NPC1: variants seen among roughly 807,000 people sequenced by gnomAD.
The protein encoded by NPC1 is NPC intracellular cholesterol transporter 1.
In NPC1, 85 loss-of-function variants were observed where a neutral mutation model predicts 140.4. That is an observed-to-expected ratio of 0.61 (90% CI 0.51 to 0.72). The LOEUF (loss-of-function observed/expected upper bound fraction) is 0.72, where lower values mean the gene tolerates loss of function less well. Among genes scored for constraint, NPC1 ranks in the 30% least tolerant of loss-of-function variants. The pLI is 0.00. For synonymous variants in NPC1, 656 were observed against 624.8 expected (o/e 1.05, Z -0.74); for missense variants, 1,504 against 1,623.8 (o/e 0.93, Z 1.27).
intron 21 of NPC1, among the ~76,000 whole-genome samples, chr18:23,536,391 G>A (rs376528716): frequency 7.2e-5 from 11 of 152,158 alleles, no homozygotes; most frequent in African/African-American, 1.9e-4. Context: ...CTCTCCAAGC[G>A]CCCCCTGCCT....
intron 1 of NPC1, among the ~76,000 whole-genome samples, chr18:23,576,179 G>A (rs2059275028): frequency 1.3e-5 from 2 of 151,916 alleles, no homozygotes; most frequent in Admixed American, 1.3e-4. Context: ...AGCCAAGATT[G>A]TGCCATTACA....
chr18:23,579,196 T>C (rs895693493), intron 1 of NPC1, among the ~76,000 whole-genome samples: 3 of 152,224 alleles, frequency 2.0e-5, no homozygotes, highest in African/African-American at 7.2e-5. Flanking sequence ...TTTATGAGAA[T>C]TGCAAAGTTG....
chr18:23,540,369 A>C (rs992835519), intron 17 of NPC1, 79 bp downstream of exon 17: 5 of 948,060 alleles, frequency 5.3e-6, no homozygotes, highest in Non-Finnish European at 8.2e-6. Context: ...TGCTTGAAAC[A>C]CCTACGTGCA....
At chr18:23,514,384 T>C in intron 3 of NPC1, among the ~76,000 whole-genome samples, 1 of 152,162 alleles carries the variant, frequency 6.6e-6, no homozygotes, top group Non-Finnish European at 1.5e-5. Flanking sequence ...CCGTCTCTAC[T>C]GTCTCAAAAT....
chr18:23,557,561 C>T (rs1374709333), intron 6 of NPC1, among the ~76,000 whole-genome samples: 1 of 152,198 alleles, frequency 6.6e-6, no homozygotes, highest in African/African-American at 2.4e-5. Context: ...TCGAGACCAA[C>T]CTGGCCAACA....
chr18:23,518,317 CCT>C (rs766109209), downstream of NPC1, among the ~76,000 whole-genome samples: 2 of 152,014 alleles, frequency 1.3e-5, no homozygotes, highest in Admixed American at 6.6e-5. Context: ...ATAGTGAGAC[CCT>C]GTTTCTACAA....
At chr18:23,525,228 G>A (rs1028838948), downstream of NPC1, among the ~76,000 whole-genome samples, 1 of 151,944 alleles carries the variant, frequency 6.6e-6, no homozygotes, top group African/African-American at 2.4e-5. Context: ...TTACAGGCAT[G>A]AGCCACTGTG....
intron 11 of NPC1, among the ~76,000 whole-genome samples, 167 bp from the exon 12 acceptor site, chr18:23,545,316 C>T (rs2058773935): frequency 6.6e-6 from 1 of 152,234 alleles, no homozygotes; most frequent in Non-Finnish European, 1.5e-5. Context: ...AATCTCAGCT[C>T]ACTCCAAGCT....
intron 22 of NPC1, among the ~76,000 whole-genome samples, chr18:23,534,962 C>T (rs1323432449): frequency 1.4e-4 from 22 of 152,128 alleles, no homozygotes; most frequent in Admixed American, 1.3e-3. Flanking sequence ...CAAGTGCTCT[C>T]ATCTTTAATG....
Position 23,541,113 on chromosome 18 carries a change from G to A in NPC1, c.2469C>T (p.Asn823=), listed in dbSNP as rs1433563737. 1 of 1,614,208 alleles carries A rather than the reference G, an allele frequency of 6.2e-7. No individual in the cohort carries two copies. The highest frequency in any genetic ancestry group is 1.1e-5 in the South Asian group (1 of 91,082). Residue 823 remains asparagine (N), a synonymous_variant, in exon 16 of 25, where the codon AAC becomes AAT. Transcript: ENST00000269228. ...SESCLFRFFK[N]SYSPLLLKDW... is the part of the protein sequence containing the mutation. ...CCTTTAGCAGAAGTGGAGAATAGGA[G>A]TTTTTGAAGAAGCGAAACAAACAGC...
chr18:23,534,071 G>A (rs573190860), intron 23 of NPC1: 6 of 406,434 alleles, frequency 1.5e-5, no homozygotes, highest in South Asian at 1.2e-4. Context: ...TTCTACAGTG[G>A]TAAAGAGATA....
Position 23,573,463 on chromosome 18 carries a change from C to T in NPC1, c.169G>A (p.Asp57Asn), listed in dbSNP as rs745994349. Residue 57 changes from aspartate to asparagine, a missense_variant, in exon 2 of 25, where the codon GAC becomes AAC. Coordinates refer to ENST00000269228, the MANE Select transcript of NPC1 (RefSeq NM_000271.5). Reference protein sequence around the residue: ...PPKPLPKDGYDLVQELCPGFF... With the variant: ...PPKPLPKDGYNLVQELCPGFF... Reference sequence around the variant, plus strand: ...GATAATGAACTTACCTGCACTAAGTCATATCCATCCTTTGGCAATGGTTTT... The same window carrying T: ...GATAATGAACTTACCTGCACTAAGTTATATCCATCCTTTGGCAATGGTTTT... 5.0e-6 allele frequency: 8 copies of T among 1,614,014 alleles called. No homozygotes were observed. The highest frequency in any genetic ancestry group is 3.4e-6 in the Non-Finnish European group (4 of 1,180,022).
chr18:23,543,332 GAAAAAAAAAAAAAAGA>G, intron 14 of NPC1, 107 bp downstream of exon 14: 1 of 421,356 alleles, frequency 2.4e-6, no homozygotes, highest in Non-Finnish European at 4.1e-6. Context: ...CCGTCTCAGA[GAAAAAAAAAAAAAAGA>G]AAAAAAAAAA....
At chr18:23,577,301 G>A (rs1182479013) in intron 1 of NPC1, among the ~76,000 whole-genome samples, 1 of 147,026 alleles carries the variant, frequency 6.8e-6, no homozygotes, top group Non-Finnish European at 1.5e-5. Context: ...GGTTCTCCAC[G>A]TCCTCACCAG....
downstream of NPC1, chr18:23,530,086 T>C: frequency 6.2e-7 from 1 of 1,614,270 alleles, no homozygotes; most frequent in Non-Finnish European, 8.5e-7. Flanking sequence ...TTTTATATGC[T>C]GCATCAGTTC....
At chr18:23,570,082 CTCTT>C (rs773151461) in intron 3 of NPC1, among the ~76,000 whole-genome samples, 9 of 152,298 alleles carry the variant, frequency 5.9e-5, no homozygotes, top group East Asian at 3.9e-4. Context: ...AGCACAGACT[CTCTT>C]TCTTTCAGGA....
intron 1 of NPC1, among the ~76,000 whole-genome samples, chr18:23,581,851 T>G (rs903614993): frequency 6.6e-6 from 1 of 152,226 alleles, no homozygotes; most frequent in African/African-American, 2.4e-5. Flanking sequence ...ACATTTTATC[T>G]TTATTCTTAT....
At chr18:23,535,777 C>A in intron 21 of NPC1, 77 bp from the exon 22 acceptor site, 1 of 959,742 alleles carries the variant, frequency 1.0e-6, no homozygotes, top group Non-Finnish European at 1.7e-6. Flanking sequence ...TCACCACTGC[C>A]AAGTGGTCAG....
At chr18:23,520,326 C>G, downstream of NPC1, 1 of 1,596,464 alleles carries the variant, frequency 6.3e-7, no homozygotes, top group Non-Finnish European at 8.6e-7. Context: ...AACACGGGTT[C>G]TGTAGAGGAG....
Sources: allele counts gnomAD v4.1 joint callset (sites outside exome capture counted in the v4.1 genomes callset), GRCh38; gene constraint gnomAD v4.1.1; transcripts MANE v1.5; gene names NCBI Gene and HGNC (gene_info 2026-07-23, HGNC 2026-07-21).